Variants in SLCO1A2 observed in about 807,000 individuals in gnomAD.
SLCO1A2 encodes solute carrier organic anion transporter family member 1A2, also known as OATP-1.
SLCO1A2 carries 67 observed loss-of-function variants against 69.0 expected under a neutral mutation model. That is an observed-to-expected ratio of 0.97 (90% confidence interval 0.80 to 1.19). SLCO1A2 has a LOEUF of 1.19. Among genes scored for constraint, SLCO1A2 ranks in the 50% most tolerant of loss-of-function variants. SLCO1A2 has a pLI of 0.00. For missense variants in SLCO1A2, 787 were observed against 793.7 expected (o/e 0.99, Z 0.10); for synonymous variants, 260 against 265.9 (o/e 0.98, Z 0.22).
At chr12:21,350,986 T>C (rs575181067) in intron 2 of SLCO1A2, among the ~76,000 whole-genome samples, 5 of 152,204 alleles carry the variant, frequency 3.3e-5, no homozygotes, top group African/African-American at 1.2e-4. Context: ...TTACTTAGTG[T>C]TATAAATGAG....
chr12:21,408,823 C>T (rs896285771), intron 1 of SLCO1A2, among the ~76,000 whole-genome samples: 4 of 151,968 alleles, frequency 2.6e-5, no homozygotes, highest in South Asian at 2.1e-4. Flanking sequence ...TGTTGTCCAT[C>T]CTAACAAATA....
intron 8 of SLCO1A2, among the ~76,000 whole-genome samples, chr12:21,298,773 C>A (rs919490411): frequency 6.6e-6 from 1 of 152,082 alleles, no homozygotes; most frequent in Admixed American, 6.6e-5. Context: ...ATCTTGCAGA[C>A]TGCAAGAGGT....
At chr12:21,274,781 T>G in intron 13 of SLCO1A2, 195 bp from the exon 14 acceptor site, 2 of 679,522 alleles carry the variant, frequency 2.9e-6, no homozygotes, top group Non-Finnish European at 2.3e-6. Context: ...AGTAATCTTA[T>G]GGTCAAATGC....
chr12:21,333,383 C>G (rs1349081544), intron 2 of SLCO1A2, among the ~76,000 whole-genome samples: 1 of 152,098 alleles, frequency 6.6e-6, no homozygotes, highest in African/African-American at 2.4e-5. Context: ...TAGCTTCTAG[C>G]AATAATGCCC....
intron 2 of SLCO1A2, among the ~76,000 whole-genome samples, chr12:21,366,485 G>A (rs559181583): frequency 1.3e-4 from 20 of 152,148 alleles, no homozygotes; most frequent in South Asian, 6.2e-4. Context: ...CATGGCGCAC[G>A]TATTCCTATG....
intron 12 of SLCO1A2, among the ~76,000 whole-genome samples, chr12:21,290,681 A>C (rs1221014546): frequency 6.6e-6 from 1 of 152,170 alleles, no homozygotes; most frequent in Non-Finnish European, 1.5e-5. Flanking sequence ...AACTATGCAA[A>C]AGGTAAAGCG....
chr12:21,351,748 A>G (rs1369080255), intron 2 of SLCO1A2, among the ~76,000 whole-genome samples: 1 of 151,770 alleles, frequency 6.6e-6, no homozygotes, highest in Non-Finnish European at 1.5e-5. Context: ...ATTGCACTCC[A>G]GCCTGGGCAA....
chr12:21,374,820 T>TCC (rs1491312902), intron 1 of SLCO1A2, among the ~76,000 whole-genome samples: 2 of 79,534 alleles, frequency 2.5e-5, no homozygotes, highest in African/African-American at 2.0e-4. Flanking sequence ...TGAGACAGGG[T>TCC]CTCTCTCTCT....
chr12:21,416,886 A>C (rs966070911), intron 1 of SLCO1A2, among the ~76,000 whole-genome samples: 2 of 152,164 alleles, frequency 1.3e-5, no homozygotes, highest in Non-Finnish European at 2.9e-5. Context: ...GGGGAGCAAC[A>C]GTTTAATTGG....
At chr12:21,325,870 G>T (rs948061651) in intron 2 of SLCO1A2, among the ~76,000 whole-genome samples, 1 of 152,134 alleles carries the variant, frequency 6.6e-6, no homozygotes, top group Non-Finnish European at 1.5e-5. Flanking sequence ...CATGAGGACA[G>T]CAAATTTGAT....
chr12:21,416,356 GCACACA>G (rs3061424), intron 1 of SLCO1A2, among the ~76,000 whole-genome samples: 73 of 146,992 alleles, frequency 5.0e-4, no homozygotes, highest in Admixed American at 3.5e-3. Flanking sequence ...AGAATCTCGG[GCACACA>G]CACACACACA....
upstream of SLCO1A2, among the ~76,000 whole-genome samples, chr12:21,337,965 G>A (rs138863645): frequency 6.6e-6 from 1 of 152,016 alleles, no homozygotes; most frequent in East Asian, 1.9e-4. Context: ...AAAAACACAA[G>A]TAAACACTTT....
intron 1 of SLCO1A2, among the ~76,000 whole-genome samples, chr12:21,386,135 C>T (rs1940867273): frequency 6.6e-6 from 1 of 152,078 alleles, no homozygotes; most frequent in South Asian, 2.1e-4. Flanking sequence ...CAATAGGATA[C>T]TGAAAGATAC....
chr12:21,334,396 G>A (rs1439601456), intron 2 of SLCO1A2, among the ~76,000 whole-genome samples, 192 bp downstream of exon 2: 1 of 152,008 alleles, frequency 6.6e-6, no homozygotes, highest in Non-Finnish European at 1.5e-5. Context: ...TAACTTGCCT[G>A]AATCAATAAT....
Position 21,306,915 on chromosome 12 carries a change from T to C in SLCO1A2, c.409A>G (p.Thr137Ala), listed in dbSNP as rs538694802. Residue 137 changes from threonine to alanine, a missense_variant, in exon 5 of 15, where the codon ACC becomes GCC. Thr to Ala is a moderately conservative substitution (Grantham distance 58). Coordinates refer to ENST00000683939, the MANE Select transcript of SLCO1A2 (RefSeq NM_001386879.1). ...TCCTGCGTTGGTCTTAAAATCTGGG[T>C]TCCATTTTCCATACACAAGAAACTG... ...SNSFLCMENG[T>A]QILRPTQDPS... 6 of 1,613,906 alleles carry C rather than the reference T, an allele frequency of 3.7e-6. No individual in the cohort carries two copies. In the South Asian group the frequency reaches 5.5e-5, roughly 15 times the overall value.
At chr12:21,314,702 A>G (rs780087073) in intron 3 of SLCO1A2, 21 bp from the exon 4 acceptor site, 1 of 1,552,532 alleles carries the variant, frequency 6.4e-7, no homozygotes, top group Non-Finnish European at 8.9e-7. Context: ...ATTGAGAATA[A>G]TCATTTTAAA....
At chr12:21,380,703 CAGT>C (rs1406661810) in intron 1 of SLCO1A2, among the ~76,000 whole-genome samples, 1 of 152,122 alleles carries the variant, frequency 6.6e-6, no homozygotes, top group Non-Finnish European at 1.5e-5. Context: ...GAGGTACCAA[CAGT>C]AAAATTTTGG....
At chr12:21,348,696 A>G (rs1273039679) in intron 2 of SLCO1A2, among the ~76,000 whole-genome samples, 3 of 152,212 alleles carry the variant, frequency 2.0e-5, no homozygotes, top group Non-Finnish European at 4.4e-5. Flanking sequence ...ATCAACCACA[A>G]GGAATCAAAG....
chr12:21,284,304 G>T (rs1045863548), intron 12 of SLCO1A2, among the ~76,000 whole-genome samples: 1 of 152,188 alleles, frequency 6.6e-6, no homozygotes, highest in Non-Finnish European at 1.5e-5. Flanking sequence ...ACAGCTCCCA[G>T]TGTGAGCGAT....
Sources: gnomAD v4.1 joint callset for allele counts (sites outside exome capture counted in the v4.1 genomes callset) on GRCh38, gnomAD v4.1.1 for gene constraint, MANE v1.5 for transcripts, NCBI Gene and HGNC (gene_info 2026-07-23, HGNC 2026-07-21) for gene names.